Variants in CNTN4 observed in about 807,000 individuals in gnomAD.
CNTN4 encodes the protein contactin 4, also known as contactin-4.
Under a neutral mutation model 122.5 loss-of-function variants are expected in CNTN4, and 77 were observed. The observed-to-expected ratio is 0.63, with a 90% CI of 0.52 to 0.76. The LOEUF (loss-of-function observed/expected upper bound fraction) is 0.76. Ranked by LOEUF, CNTN4 falls within the 30% of genes least tolerant of loss-of-function variation. The probability of loss-of-function intolerance (pLI) is 0.00; values close to 1 mark genes in which losing one functional copy is unlikely to be tolerated. For synonymous variants in CNTN4, 512 were observed against 447.0 expected (o/e 1.15, Z -1.83); for missense variants, 1,256 against 1,259.1 (o/e 1.00, Z 0.04).
At chr3:2,671,822 G>A (rs2150381710) in intron 4 of CNTN4, among the ~76,000 whole-genome samples, 1 of 152,318 alleles carries the variant, frequency 6.6e-6, no homozygotes, top group Admixed American at 6.5e-5. Context: ...TAACAGCAAG[G>A]ACCCTCAGCT....
intron 6 of CNTN4, among the ~76,000 whole-genome samples, chr3:2,811,444 T>TTTA (rs1267498231): frequency 6.7e-6 from 1 of 149,760 alleles, no homozygotes; most frequent in Non-Finnish European, 1.5e-5. Flanking sequence ...TTACTTTATT[T>TTTA]TTATTTTATT....
At chr3:2,533,094 T>C (rs1217261297) in intron 3 of CNTN4, among the ~76,000 whole-genome samples, 1 of 152,088 alleles carries the variant, frequency 6.6e-6, no homozygotes, top group Non-Finnish European at 1.5e-5. Flanking sequence ...GGACTTTGGC[T>C]ACTTTCTCGG....
chr3:2,629,177 G>T (rs1185332256), intron 4 of CNTN4, among the ~76,000 whole-genome samples: 1 of 152,100 alleles, frequency 6.6e-6, no homozygotes, highest in African/African-American at 2.4e-5. Context: ...TTTATAATAA[G>T]GGGAAGGAAC....
chr3:2,354,918 C>T (rs935539110), intron 3 of CNTN4, among the ~76,000 whole-genome samples: 2 of 152,284 alleles, frequency 1.3e-5, no homozygotes, highest in South Asian at 2.1e-4. Context: ...GAAATAGGAG[C>T]ATTAGCAGCA....
chr3:2,631,078 T>A (rs2082410010), intron 4 of CNTN4, among the ~76,000 whole-genome samples: 1 of 152,184 alleles, frequency 6.6e-6, no homozygotes, highest in African/African-American at 2.4e-5. Flanking sequence ...AGAAATTAAG[T>A]CTTAACAATG....
intron 4 of CNTN4, among the ~76,000 whole-genome samples, chr3:2,728,848 G>A (rs913540778): frequency 6.6e-6 from 1 of 152,166 alleles, no homozygotes; most frequent in African/African-American, 2.4e-5. Context: ...CTCTTGAAGT[G>A]TTTCTACCCA....
At chr3:2,309,008 C>G (rs2150126147) in intron 2 of CNTN4, among the ~76,000 whole-genome samples, 1 of 152,054 alleles carries the variant, frequency 6.6e-6, no homozygotes, top group East Asian at 1.9e-4. Flanking sequence ...CTTCTGGATC[C>G]TTTTTGATCT....
At chr3:2,169,062 A>G (rs148132841) in intron 2 of CNTN4, among the ~76,000 whole-genome samples, 2 of 152,310 alleles carry the variant, frequency 1.3e-5, no homozygotes, top group African/African-American at 4.8e-5. Flanking sequence ...AACACTTTCT[A>G]TCTTATTTAA....
chr3:2,393,439 A>T (rs1233843941), intron 3 of CNTN4, among the ~76,000 whole-genome samples: 1 of 152,176 alleles, frequency 6.6e-6, no homozygotes, highest in African/African-American at 2.4e-5. Context: ...AGCATATGGC[A>T]GATAGTAATC....
chr3:2,561,996 A>C (rs753445092), intron 3 of CNTN4, among the ~76,000 whole-genome samples: 62 of 152,140 alleles, frequency 4.1e-4, no homozygotes, highest in Admixed American at 7.9e-4. Context: ...GTCTTGAACT[A>C]TGATCTACTT....
chr3:2,446,570 G>A (rs1225804644), intron 3 of CNTN4, among the ~76,000 whole-genome samples: 1 of 152,028 alleles, frequency 6.6e-6, no homozygotes, highest in Non-Finnish European at 1.5e-5. Context: ...ACATTATCCT[G>A]CAGCTCATTT....
intron 13 of CNTN4, among the ~76,000 whole-genome samples, chr3:2,983,031 G>T (rs574933981): frequency 6.6e-6 from 1 of 151,510 alleles, no homozygotes; most frequent in Non-Finnish European, 1.5e-5. Context: ...TGGCGAACAC[G>T]GTGAAAACCT....
chr3:2,712,592 G>A (rs1460598329), intron 4 of CNTN4, among the ~76,000 whole-genome samples: 2 of 152,124 alleles, frequency 1.3e-5, no homozygotes, highest in Non-Finnish European at 2.9e-5. Flanking sequence ...ATATATATTT[G>A]GTCTTCATGC....
At chr3:2,443,567 A>G (rs1293727217) in intron 3 of CNTN4, among the ~76,000 whole-genome samples, 3 of 152,210 alleles carry the variant, frequency 2.0e-5, no homozygotes, top group Non-Finnish European at 4.4e-5. Context: ...AATACAAATC[A>G]TCACAAATCA....
chr3:3,045,872 A>C (rs1265411503), intron 23 of CNTN4, among the ~76,000 whole-genome samples: 1 of 152,290 alleles, frequency 6.6e-6, no homozygotes, highest in East Asian at 1.9e-4. Flanking sequence ...AGAAGTTGAA[A>C]ACCTTGAAAA....
intron 2 of CNTN4, among the ~76,000 whole-genome samples, chr3:2,191,775 C>T (rs911770179): frequency 3.9e-5 from 6 of 151,908 alleles, no homozygotes; most frequent in Admixed American, 6.6e-5. Context: ...TACATGTGCA[C>T]AACATGAGGT....
chr3:2,804,912 C>T (rs997051134), intron 6 of CNTN4, among the ~76,000 whole-genome samples: 4 of 152,256 alleles, frequency 2.6e-5, no homozygotes, highest in South Asian at 2.1e-4. Flanking sequence ...TGGTGGCTCA[C>T]GCCTGTAATC....
At chr3:2,468,837 G>A (rs2075592535) in intron 3 of CNTN4, among the ~76,000 whole-genome samples, 1 of 152,102 alleles carries the variant, frequency 6.6e-6, no homozygotes, top group Non-Finnish European at 1.5e-5. Flanking sequence ...ATGGGGGAAA[G>A]GGATGCACCA....
At chr3:2,263,785 C>T (rs957012951) in intron 2 of CNTN4, among the ~76,000 whole-genome samples, 3 of 144,106 alleles carry the variant, frequency 2.1e-5, no homozygotes, top group African/African-American at 7.4e-5. Flanking sequence ...TCTGCCTCTC[C>T]CTTCCTTTCC....
Sources: allele counts gnomAD v4.1 joint callset (sites outside exome capture counted in the v4.1 genomes callset), GRCh38; gene constraint gnomAD v4.1.1; transcripts MANE v1.5; gene names NCBI Gene and HGNC (gene_info 2026-07-23, HGNC 2026-07-21).